Variants in KCNT2 observed in about 807,000 individuals in gnomAD.
The protein encoded by KCNT2 is potassium channel subfamily T member 2.
KCNT2 carries 67 observed loss-of-function variants against 153.8 expected under a neutral mutation model. That is an observed-to-expected ratio of 0.44 (90% confidence interval 0.36 to 0.53). The LOEUF (loss-of-function observed/expected upper bound fraction) is 0.53. KCNT2 is among the 20% of genes least tolerant of loss of function. KCNT2 has a pLI of 0.00. For synonymous variants in KCNT2, 500 were observed against 458.8 expected (o/e 1.09, Z -1.15); for missense variants, 975 against 1,354.8 (o/e 0.72, Z 4.40).
chr1:196,395,897 C>T (rs1670896708), intron 13 of KCNT2, among the ~76,000 whole-genome samples: 1 of 151,576 alleles, frequency 6.6e-6, no homozygotes, highest in African/African-American at 2.4e-5. Context: ...TTGGAATCTA[C>T]ATATTTAATA....
chr1:196,322,022 T>C (rs564804833), intron 19 of KCNT2, among the ~76,000 whole-genome samples: 1 of 152,014 alleles, frequency 6.6e-6, no homozygotes, highest in South Asian at 2.1e-4. Flanking sequence ...TTGAAAAACA[T>C]TAAACAAAAA....
intron 1 of KCNT2, among the ~76,000 whole-genome samples, chr1:196,559,421 T>A (rs939456192): frequency 2.0e-5 from 3 of 151,834 alleles, no homozygotes; most frequent in Admixed American, 6.6e-5. Flanking sequence ...GTTTCCAGTT[T>A]TATGCTGTTA....
At chr1:196,456,078 T>A (rs746189197) in intron 8 of KCNT2, among the ~76,000 whole-genome samples, 1 of 151,966 alleles carries the variant, frequency 6.6e-6, no homozygotes, top group Non-Finnish European at 1.5e-5. Context: ...GTTTCCCCAA[T>A]GGCAAAAAAT....
intron 1 of KCNT2, among the ~76,000 whole-genome samples, chr1:196,584,659 G>A (rs1471954070): frequency 6.6e-6 from 1 of 152,062 alleles, no homozygotes; most frequent in East Asian, 1.9e-4. Context: ...GTAGTAACTA[G>A]AAATAATGTT....
chr1:196,475,052 T>C (rs187212833), intron 5 of KCNT2, among the ~76,000 whole-genome samples: 1 of 152,330 alleles, frequency 6.6e-6, no homozygotes, highest in East Asian at 1.9e-4. Flanking sequence ...GTTATGCTTA[T>C]TTTAGAATGT....
At chr1:196,418,174 T>TA (rs1672903135) in intron 12 of KCNT2, among the ~76,000 whole-genome samples, 1 of 151,720 alleles carries the variant, frequency 6.6e-6, no homozygotes, top group Non-Finnish European at 1.5e-5. Flanking sequence ...TGGGCTACCA[T>TA]AAAAAAATAC....
At chr1:196,482,273 T>A in intron 4 of KCNT2, 58 bp downstream of exon 4, 1 of 1,094,738 alleles carries the variant, frequency 9.1e-7, no homozygotes, top group Non-Finnish European at 1.4e-6. Flanking sequence ...CAATAGTACT[T>A]CTCTGTGAAA....
At chr1:196,352,735 TGCCTTCTGCTAGC>T (rs1666837284) in intron 14 of KCNT2, among the ~76,000 whole-genome samples, 1 of 152,158 alleles carries the variant, frequency 6.6e-6, no homozygotes, top group Non-Finnish European at 1.5e-5. Flanking sequence ...AGTTATTTCT[TGCCTTCTGCTAGC>T]TTTTGAATGT....
At chr1:196,580,871 A>G (rs1269813064) in intron 1 of KCNT2, among the ~76,000 whole-genome samples, 1 of 152,186 alleles carries the variant, frequency 6.6e-6, no homozygotes, top group East Asian at 1.9e-4. Context: ...TACATCATGG[A>G]AAAGCTGACA....
At chr1:196,455,740 T>C (rs1572515294) in intron 8 of KCNT2, among the ~76,000 whole-genome samples, 1 of 152,116 alleles carries the variant, frequency 6.6e-6, no homozygotes, top group Non-Finnish European at 1.5e-5. Context: ...TTTTCTTTTA[T>C]CTGCTTGTTG....
chr1:196,378,496 A>G (rs1030807298), intron 13 of KCNT2, among the ~76,000 whole-genome samples: 2 of 151,906 alleles, frequency 1.3e-5, no homozygotes, highest in African/African-American at 4.8e-5. Context: ...CCTATGTCAA[A>G]TACTCCAAGT....
chr1:196,448,998 TG>T (rs1473753916), intron 8 of KCNT2, among the ~76,000 whole-genome samples: 1 of 151,758 alleles, frequency 6.6e-6, no homozygotes, highest in Non-Finnish European at 1.5e-5. Context: ...ATAAATGAGC[TG>T]GATCTTTGCA....
At chr1:196,557,851 G>T (rs1311113680) in intron 1 of KCNT2, among the ~76,000 whole-genome samples, 1 of 151,256 alleles carries the variant, frequency 6.6e-6, no homozygotes, top group Non-Finnish European at 1.5e-5. Context: ...AAATTAAAAA[G>T]AAATTTACTA....
chr1:196,427,566 A>G (rs1344179172), intron 10 of KCNT2, among the ~76,000 whole-genome samples: 1 of 152,050 alleles, frequency 6.6e-6, no homozygotes, highest in Non-Finnish European at 1.5e-5. Context: ...TTCTTAATTC[A>G]TATTCTCAAT....
chr1:196,530,267 A>C (rs2148846455), intron 1 of KCNT2, among the ~76,000 whole-genome samples: 1 of 152,128 alleles, frequency 6.6e-6, no homozygotes, highest in Non-Finnish European at 1.5e-5. Context: ...AGATGATGAC[A>C]ATTTTGCAAA....
chr1:196,467,521 C>G (rs554740958), intron 7 of KCNT2, among the ~76,000 whole-genome samples, 182 bp downstream of exon 7: 2 of 151,380 alleles, frequency 1.3e-5, no homozygotes, highest in Non-Finnish European at 2.9e-5. Context: ...AAAAATGAAA[C>G]ATTTGGAAAT....
intron 1 of KCNT2, among the ~76,000 whole-genome samples, chr1:196,556,678 C>G (rs1658714247): frequency 6.6e-6 from 1 of 151,448 alleles, no homozygotes; most frequent in South Asian, 2.1e-4. Context: ...TATCTGCACT[C>G]TCTTGTTTGT....
intron 14 of KCNT2, among the ~76,000 whole-genome samples, chr1:196,366,162 T>A (rs1668021398): frequency 6.7e-6 from 1 of 150,112 alleles, no homozygotes; most frequent in African/African-American, 2.5e-5. Context: ...TATTTAATTA[T>A]TATTTTTTTT....
chr1:196,475,943 T>C (rs1399297158), intron 5 of KCNT2, among the ~76,000 whole-genome samples: 2 of 152,194 alleles, frequency 1.3e-5, no homozygotes, highest in African/African-American at 4.8e-5. Flanking sequence ...AAATATTATA[T>C]ATCATCTAGC....
Sources: gnomAD v4.1 joint callset for allele counts (sites outside exome capture counted in the v4.1 genomes callset) on GRCh38, gnomAD v4.1.1 for gene constraint, MANE v1.5 for transcripts, NCBI Gene and HGNC (gene_info 2026-07-23, HGNC 2026-07-21) for gene names.